The following RPF2 variants were observed in gnomAD, a reference collection of about 807,000 sequenced individuals.
RPF2 encodes ribosome production factor 2 homolog.
Under a neutral mutation model 38.9 loss-of-function variants are expected in RPF2, and 21 were observed. The observed-to-expected ratio is 0.54, with a 90% CI of 0.38 to 0.78. RPF2 has a LOEUF of 0.78. RPF2 is among the 30% of genes least tolerant of loss of function. The pLI, the probability that RPF2 is intolerant of heterozygous loss-of-function variation, is 0.00. For synonymous variants in RPF2, 121 were observed against 126.2 expected (o/e 0.96, Z 0.28); for missense variants, 314 against 358.1 (o/e 0.88, Z 0.99).
chr6:110,997,086 C>A, intron 4 of RPF2, 97 bp from the exon 5 acceptor site: 2 of 739,938 alleles, frequency 2.7e-6, no homozygotes, highest in Admixed American at 2.3e-5. Flanking sequence ...CAGGTGTGAG[C>A]CACCGTGCCT....
At chr6:111,011,282 TTC>T (rs1159083657) in intron 7 of RPF2, among the ~76,000 whole-genome samples, 1 of 139,564 alleles carries the variant, frequency 7.2e-6, no homozygotes, top group Admixed American at 7.1e-5. Flanking sequence ...GTATTTTTCT[TTC>T]TTTCTTTCTT....
At chr6:111,017,218 C>A (rs1453217425) in intron 8 of RPF2, among the ~76,000 whole-genome samples, 3 of 152,086 alleles carry the variant, frequency 2.0e-5, no homozygotes, top group Non-Finnish European at 4.4e-5. Flanking sequence ...GACGGGGTGG[C>A]GGCCGGGTAG....
chr6:111,015,414 G>A (rs9386986), intron 7 of RPF2, among the ~76,000 whole-genome samples: 24,705 of 151,994 alleles, frequency 0.16, 2,549 homozygotes, highest in East Asian at 0.53. Context: ...ATAGAAATTT[G>A]CTATCTTCAT....
At chr6:110,990,636 G>A (rs1422991349) in intron 3 of RPF2, among the ~76,000 whole-genome samples, 1 of 146,808 alleles carries the variant, frequency 6.8e-6, no homozygotes, top group Non-Finnish European at 1.5e-5. Context: ...CCAGCCTGGA[G>A]TGCAGTGGTG....
At chr6:111,009,957 G>T (rs2114332743) in intron 7 of RPF2, among the ~76,000 whole-genome samples, 1 of 152,038 alleles carries the variant, frequency 6.6e-6, no homozygotes, top group Non-Finnish European at 1.5e-5. Context: ...ACAGGTGTGA[G>T]CCCCCACACC....
chr6:111,009,624 A>C (rs556938646), intron 7 of RPF2, among the ~76,000 whole-genome samples: 1 of 152,150 alleles, frequency 6.6e-6, no homozygotes, highest in Non-Finnish European at 1.5e-5. Flanking sequence ...CTAGCAAACT[A>C]TGCTAGTTCT....
At position 111,019,857 on chromosome 6, in the gene RPF2, G is replaced by A. The variant is rs1175822234; in HGVS notation, c.596+4001G>A. Among the ~76,000 whole-genome samples, 6 of 151,984 alleles carry A rather than the reference G, an allele frequency of 3.9e-5. No homozygotes were observed. The East Asian group carries it at 5.8e-4, about 15-fold the overall frequency. ...TCATCCCCAAGATATCTCATTATACGTATGCAAGTATTTCAAACTCTGAAA... is the reference window on the plus strand; with the variant it reads ...TCATCCCCAAGATATCTCATTATACATATGCAAGTATTTCAAACTCTGAAA... On this transcript the variant is annotated intron_variant, in intron 8 of 9. Transcript: ENST00000441448.
chr6:110,997,870 G>A (rs1771744198), intron 5 of RPF2, among the ~76,000 whole-genome samples: 1 of 151,398 alleles, frequency 6.6e-6, no homozygotes, highest in Admixed American at 6.6e-5. Flanking sequence ...GGGGGTTGGT[G>A]TCTCTTCTCC....
chr6:110,992,967 C>A (rs981291136), intron 4 of RPF2, among the ~76,000 whole-genome samples: 70 of 151,968 alleles, frequency 4.6e-4, no homozygotes, highest in African/African-American at 1.6e-3. Flanking sequence ...TGATAGGAAC[C>A]CATTGTTTAT....
In RPF2 at chr6:110,989,672, C is replaced by T. The variant is rs1223191275; in HGVS notation, c.194+607C>T. On this transcript the variant is annotated intron_variant, in intron 3 of 9. Transcript: ENST00000441448. ...GACGGAGTCTAGCTTTGTTGCCAGGCTGGAGTGCAGTGGCATGATCTCGCC... is the reference window on the plus strand; with the variant it reads ...GACGGAGTCTAGCTTTGTTGCCAGGTTGGAGTGCAGTGGCATGATCTCGCC... Among the ~76,000 whole-genome samples, 3 of 148,008 alleles carry T rather than the reference C, an allele frequency of 2.0e-5. No individual in the cohort carries two copies. The East Asian group carries it at 6.0e-4, about 29-fold the overall frequency.
chr6:111,011,308 CTTTT>C (rs113226329), intron 7 of RPF2, among the ~76,000 whole-genome samples: 7 of 88,308 alleles, frequency 7.9e-5, no homozygotes, highest in Middle Eastern at 5.6e-3. Context: ...TTCTTTCTTT[CTTTT>C]TTTTTTTGAG....
chr6:111,001,597 C>T (rs1001151138), intron 6 of RPF2, among the ~76,000 whole-genome samples: 8 of 151,994 alleles, frequency 5.3e-5, no homozygotes, highest in African/African-American at 1.9e-4. Flanking sequence ...TGGTCTCAAA[C>T]TCCTGGGCTC....
chr6:111,006,967 A>G (rs1771920243), intron 6 of RPF2, among the ~76,000 whole-genome samples: 1 of 151,830 alleles, frequency 6.6e-6, no homozygotes, highest in Admixed American at 6.6e-5. Flanking sequence ...CAGCTACTTG[A>G]GAGGTGGAGG....
In RPF2 at chr6:111,027,907, A is replaced by G. The variant is rs1316928137; in HGVS notation, c.*2325A>G. 1 of 152,228 alleles carries G rather than the reference A, an allele frequency of 6.6e-6. No individual in the cohort carries two copies. The highest frequency in any genetic ancestry group is 1.5e-5 in the Non-Finnish European group (1 of 68,028). The allele number at this position is 152,228 out of a possible 1,614,324, so 9.4% of individuals were successfully genotyped here. On this transcript the variant is annotated 3_prime_UTR_variant, in exon 10 of 10. Coordinates refer to ENST00000441448, the MANE Select transcript of RPF2 (RefSeq NM_032194.3). ...TTATATCACTTTTTGTGGAGAGCAC[A>G]TCTTGATTTTCAGTTGTCCTTACTT...
intron 3 of RPF2, among the ~76,000 whole-genome samples, chr6:110,990,562 C>G (rs1022551631): frequency 5.8e-5 from 4 of 68,642 alleles, no homozygotes; most frequent in Admixed American, 2.4e-4. Flanking sequence ...ATTGGGAACC[C>G]CCCCCCCCCC....
chr6:111,000,001 C>T (rs1483473491), intron 6 of RPF2, among the ~76,000 whole-genome samples: 1 of 152,102 alleles, frequency 6.6e-6, no homozygotes, highest in African/African-American at 2.4e-5. Flanking sequence ...GACTTTGTGG[C>T]TGTTAGACTT....
chr6:111,003,085 C>CT (rs1226806769), intron 6 of RPF2, among the ~76,000 whole-genome samples: 1 of 145,042 alleles, frequency 6.9e-6, no homozygotes, highest in African/African-American at 2.5e-5. Flanking sequence ...TTTTACCCCC[C>CT]CCCCTTTTTT....
chr6:111,017,752 C>T (rs1457677720), intron 8 of RPF2, among the ~76,000 whole-genome samples: 1 of 150,178 alleles, frequency 6.7e-6, no homozygotes, highest in Non-Finnish European at 1.5e-5. Flanking sequence ...CAGAGGGGCT[C>T]CTCACATCCC....
Position 110,996,605 on chromosome 6 carries a change from G to A in RPF2, c.235-578G>A, listed in dbSNP as rs75301100. On this transcript the variant is annotated intron_variant, in intron 4 of 9. Coordinates refer to ENST00000441448, the MANE Select transcript of RPF2 (RefSeq NM_032194.3). ...AAAATGACAGCATAACAAAATAAATGGTTTCATTTTATTTATTAACTGAAT... is the reference window on the plus strand; with the variant it reads ...AAAATGACAGCATAACAAAATAAATAGTTTCATTTTATTTATTAACTGAAT... Among the ~76,000 whole-genome samples the A allele has an allele frequency of 4.6e-3, 702 of 152,116 alleles. 9 individuals are homozygous for A. The highest frequency in any genetic ancestry group is 0.044 in the East Asian group (226 of 5,178).
Sources: allele counts gnomAD v4.1 joint callset (sites outside exome capture counted in the v4.1 genomes callset), GRCh38; gene constraint gnomAD v4.1.1; transcripts MANE v1.5; gene names NCBI Gene and HGNC (gene_info 2026-07-23, HGNC 2026-07-21).